The following UCK2 variants were observed in gnomAD, a reference collection of about 807,000 sequenced individuals.
The protein encoded by UCK2 is cytidine monophosphokinase 2.
Under a neutral mutation model 30.8 loss-of-function variants are expected in UCK2, and 6 were observed. The ratio of observed to expected loss-of-function variants is 0.19; its 90% confidence interval spans 0.11 to 0.38. UCK2 has a LOEUF of 0.38. UCK2 is among the 10% of genes least tolerant of loss of function. The pLI is 1.00. For missense variants in UCK2, 210 were observed against 339.8 expected, an observed-to-expected ratio of 0.62 and a Z score of 3.00; for synonymous variants, 125 against 133.6, an observed-to-expected ratio of 0.94 and a Z score of 0.45.
At position 165,908,054 on chromosome 1, in the gene UCK2, C is replaced by A; in HGVS notation, c.*231C>A. On this transcript the variant is annotated 3_prime_UTR_variant, in exon 7 of 7. Coordinates refer to ENST00000367879, the MANE Select transcript of UCK2 (RefSeq NM_012474.5). Reference sequence around the variant, plus strand: ...CTGTGCCAACTACTACTGGTGATGCCTAATTATGAATCCAACGTGTAACCA... The same window carrying A: ...CTGTGCCAACTACTACTGGTGATGCATAATTATGAATCCAACGTGTAACCA... The A allele has an allele frequency of 2.1e-6, 1 of 486,866 alleles. No individual in the cohort carries two copies. 30.2% of individuals were successfully genotyped at this position (486,866 alleles called of 1,614,324 possible).
chr1:165,827,742 C>A lies in UCK2; in HGVS notation c.-92C>A. On this transcript the variant is annotated 5_prime_UTR_variant, in exon 1 of 7. Coordinates refer to ENST00000367879, the MANE Select transcript of UCK2 (RefSeq NM_012474.5). ...CCTCAGCCCCGGCAGCGCCCAGCGGCGGCTGCGGAAAGCGGAGGGAGTCCG... is the reference window on the plus strand; with the variant it reads ...CCTCAGCCCCGGCAGCGCCCAGCGGAGGCTGCGGAAAGCGGAGGGAGTCCG... 1 of 1,142,692 alleles carries A rather than the reference C, an allele frequency of 8.8e-7. No homozygotes were observed. The highest frequency in any genetic ancestry group is 1.1e-6 in the Non-Finnish European group (1 of 890,768). The allele number at this position is 1,142,692 out of a possible 1,614,324, so 70.8% of individuals were successfully genotyped here.
chr1:165,873,399 G>GGTA (rs1655252215), intron 1 of UCK2, among the ~76,000 whole-genome samples: 1 of 152,096 alleles, frequency 6.6e-6, no homozygotes, highest in African/African-American at 2.4e-5. Flanking sequence ...TTGCCAAAAT[G>GGTA]GTAGCTACAT....
chr1:165,844,249 C>T (rs567503729), intron 1 of UCK2, among the ~76,000 whole-genome samples: 7 of 152,364 alleles, frequency 4.6e-5, no homozygotes, highest in African/African-American at 1.7e-4. Context: ...GCAGTGCCTG[C>T]ACCTAGAACG....
At chr1:165,854,721 G>T (rs1400317490) in intron 1 of UCK2, among the ~76,000 whole-genome samples, 1 of 151,994 alleles carries the variant, frequency 6.6e-6, no homozygotes, top group African/African-American at 2.4e-5. Context: ...TTCTGATTTT[G>T]TTCAGTCCTT....
intron 6 of UCK2, 54 bp downstream of exon 6, chr1:165,906,023 A>G (rs1362542537): frequency 3.8e-6 from 6 of 1,565,592 alleles, no homozygotes; most frequent in Admixed American, 3.3e-5. Context: ...TTTGTCAGTC[A>G]TAATTTGGGG....
chr1:165,905,958 C>G lies in UCK2; in HGVS notation c.635C>G (p.Ala212Gly). 6.2e-7 allele frequency: 1 copy of G among 1,613,868 alleles called. No individual in the cohort carries two copies. The highest frequency in any genetic ancestry group is 1.3e-5 in the African/African-American group (1 of 75,026). Residue 212 changes from alanine (A) to glycine (G), a missense_variant, in exon 6 of 7, where the codon GCA (alanine) becomes GGA (glycine). Physicochemically the swap from Ala to Gly is moderately conservative, Grantham distance 60 (BLOSUM62 0). Around this residue, in one of 4 missense-constraint regions of UCK2, gnomAD observed 47 missense variants for 128.7 expected, o/e 0.37. Transcript: ENST00000367879. ...GCTGATGTGATCATCCCTAGAGGTG[C>G]AGATAATCTGGGTGAGTCCCTGCAG... ...KYADVIIPRG[A>G]DNLVAINLIV...
chr1:165,890,927 C>T (rs975638451), intron 2 of UCK2: 1 of 349,978 alleles, frequency 2.9e-6, no homozygotes, highest in Non-Finnish European at 5.4e-6. Context: ...TAGCATGTGC[C>T]AATCCTAGGA....
At chr1:165,833,233 G>A (rs116031003) in intron 1 of UCK2, among the ~76,000 whole-genome samples, 3,256 of 152,270 alleles carry the variant, frequency 0.021, 117 homozygotes, top group African/African-American at 0.072. Flanking sequence ...GCTTTTCTCA[G>A]AGATGGCATT....
At chr1:165,866,510 G>T (rs894857150) in intron 1 of UCK2, among the ~76,000 whole-genome samples, 1 of 152,084 alleles carries the variant, frequency 6.6e-6, no homozygotes, top group East Asian at 1.9e-4. Context: ...AATATAAATA[G>T]ATAATTTTAT....
At chr1:165,856,978 G>T (rs1654763546) in intron 1 of UCK2, among the ~76,000 whole-genome samples, 1 of 148,370 alleles carries the variant, frequency 6.7e-6, no homozygotes. Context: ...CATGTGCCTT[G>T]TCTTCATTCT....
chr1:165,842,806 C>G (rs2101853138), intron 1 of UCK2, among the ~76,000 whole-genome samples: 1 of 152,322 alleles, frequency 6.6e-6, no homozygotes, highest in Non-Finnish European at 1.5e-5. Flanking sequence ...ATCCTGTTCT[C>G]CCAGCTAAGC....
rs187807863 is a variant in UCK2, at chr1:165,887,774, C to T, written c.100-2430C>T. On this transcript the variant is annotated intron_variant, in intron 1 of 6. Coordinates refer to ENST00000367879, the MANE Select transcript of UCK2 (RefSeq NM_012474.5). ...TAATTGCTTAGAGCCTTTGATTTCC[C>T]CCCCCACCCATCCATCTGTAGCACC... Among the ~76,000 whole-genome samples, 773 of 151,610 alleles carry T rather than the reference C, an allele frequency of 5.1e-3. 7 individuals are homozygous for T. The highest frequency in any genetic ancestry group is 0.018 in the African/African-American group (745 of 41,358).
At chr1:165,886,053 C>T (rs1025261254) in intron 1 of UCK2, among the ~76,000 whole-genome samples, 1 of 152,144 alleles carries the variant, frequency 6.6e-6, no homozygotes. Context: ...TTCCCCTCCC[C>T]TCAGCCCCTG....
chr1:165,835,159 C>T (rs751034437), intron 1 of UCK2, among the ~76,000 whole-genome samples: 1 of 152,010 alleles, frequency 6.6e-6, no homozygotes, highest in Admixed American at 6.5e-5. Flanking sequence ...CTTTGCCCTT[C>T]GCAGGCTTCT....
chr1:165,878,125 G>T (rs2101874583), intron 1 of UCK2, among the ~76,000 whole-genome samples: 1 of 152,206 alleles, frequency 6.6e-6, no homozygotes, highest in South Asian at 2.1e-4. Context: ...AATCCCCTGT[G>T]CTCTGCCCAT....
chr1:165,869,485 T>C (rs1655140359), intron 1 of UCK2, among the ~76,000 whole-genome samples: 1 of 152,052 alleles, frequency 6.6e-6, no homozygotes, highest in Non-Finnish European at 1.5e-5. Flanking sequence ...ATATTTAGTT[T>C]TTTGAGGAGT....
At chr1:165,829,091 C>T (rs563669481) in intron 1 of UCK2, among the ~76,000 whole-genome samples, 3 of 152,200 alleles carry the variant, frequency 2.0e-5, no homozygotes, top group South Asian at 4.2e-4. Context: ...TACATTTTTC[C>T]CTCCTGGTCT....
chr1:165,894,348 G>A (rs1369893883), intron 3 of UCK2: 1 of 152,124 alleles, frequency 6.6e-6, no homozygotes, highest in African/African-American at 2.4e-5. Flanking sequence ...TGCCTAGAGA[G>A]TGGCTCACTA....
intron 3 of UCK2, chr1:165,895,551 T>C: frequency 1.0e-6 from 1 of 985,508 alleles, no homozygotes; most frequent in Non-Finnish European, 1.2e-6. Context: ...TCTAGGGAGC[T>C]CAGGATTGAC....
Sources: gnomAD v4.1 joint callset for allele counts (sites outside exome capture counted in the v4.1 genomes callset) on GRCh38, gnomAD v4.1.1 for gene constraint, gnomAD v4.1.1 regional missense constraint, MANE v1.5 for transcripts, NCBI Gene and HGNC (gene_info 2026-07-23, HGNC 2026-07-21) for gene names.